The following PSMD7 variants were observed in gnomAD, a reference collection of about 807,000 sequenced individuals.
The protein encoded by PSMD7 is 26S proteasome non-ATPase regulatory subunit 7.
PSMD7 carries 13 observed loss-of-function variants against 36.4 expected under a neutral mutation model. The observed-to-expected ratio is 0.36, with a 90% CI of 0.23 to 0.57. The LOEUF is 0.57. Among genes scored for constraint, PSMD7 ranks in the 20% least tolerant of loss-of-function variants. The pLI is 0.83. For missense variants in PSMD7, 298 were observed against 393.6 expected (o/e 0.76, Z 2.06); for synonymous variants, 186 against 151.0 (o/e 1.23, Z -1.70).
chr16:74,298,918 G>A (rs1417920812), intron 1 of PSMD7, among the ~76,000 whole-genome samples: 1 of 152,080 alleles, frequency 6.6e-6, no homozygotes, highest in Non-Finnish European at 1.5e-5. Flanking sequence ...TAAGTGTAGG[G>A]TTTTAAAAAA....
chr16:74,297,064 G>A (rs887590543), intron 1 of PSMD7, 76 bp downstream of exon 1: 1 of 1,500,688 alleles, frequency 6.7e-7, no homozygotes, highest in Non-Finnish European at 9.1e-7. Context: ...TGGCGCGGCG[G>A]CCGCGGACGA....
chr16:74,302,327 C>T (rs781015922), intron 5 of PSMD7, 35 bp downstream of exon 5: 1 of 1,540,598 alleles, frequency 6.5e-7, no homozygotes, highest in South Asian at 1.2e-5. Flanking sequence ...GGAGGTTAGA[C>T]TGCTACTTAT....
chr16:74,299,611 C>G (rs1167300438), intron 1 of PSMD7: 3 of 453,328 alleles, frequency 6.6e-6, no homozygotes, highest in Non-Finnish European at 1.3e-5. Flanking sequence ...CCATGCTCGT[C>G]TCAAACTCCT....
Position 74,305,736 on chromosome 16 carries a change from C to T in PSMD7, c.*3C>T, listed in dbSNP as rs763920513. On this transcript the variant is annotated 3_prime_UTR_variant, in exon 7 of 7. Coordinates refer to ENST00000219313, the MANE Select transcript of PSMD7 (RefSeq NM_002811.5). ...AGGAGAAAAAGGAGAAAAAGTAAAACATGTATTAAATAGCTTTTTTAATTT... is the reference window on the plus strand; with the variant it reads ...AGGAGAAAAAGGAGAAAAAGTAAAATATGTATTAAATAGCTTTTTTAATTT... The T allele has an allele frequency of 7.0e-7, 1 of 1,420,066 alleles. No homozygotes were observed. Among genetic ancestry groups the T allele is most frequent in the African/African-American group, 1.4e-5 (1 of 69,296 alleles). The allele number at this position is 1,420,066 out of a possible 1,614,324, so 88.0% of individuals were successfully genotyped here. A position where few individuals can be genotyped will look rare whatever the true frequency, so the allele number is the denominator to read the frequency against.
rs554040853 is a variant in PSMD7, at chr16:74,300,129, G to A, written c.89G>A (p.Gly30Glu). The A allele has an allele frequency of 1.2e-6, 2 of 1,614,214 alleles. No homozygotes were observed. Among genetic ancestry groups the A allele is most frequent in the African/African-American group, 2.7e-5 (2 of 75,054 alleles). The stretch of plus-strand genomic sequence containing the variant: ...TTCTCATTCAGAATCGGCAAGGTTG[G>A]AAACCAGAAGCGTGTTGTTGGTGTG... ...VDHFNRIGKV[G>E]NQKRVVGVLL... The change falls in exon 2 of 7, where the codon GGA (glycine) becomes GAA (glutamate). Residue 30 changes from glycine to glutamate, a missense_variant. Transcript: ENST00000219313.
intron 1 of PSMD7, among the ~76,000 whole-genome samples, chr16:74,297,865 T>G (rs2034125803): frequency 6.6e-6 from 1 of 152,164 alleles, no homozygotes; most frequent in South Asian, 2.1e-4. Flanking sequence ...TATCGAAATC[T>G]GGATGATGCT....
At chr16:74,303,022 T>G (rs2034167368) in intron 5 of PSMD7, among the ~76,000 whole-genome samples, 1 of 152,196 alleles carries the variant, frequency 6.6e-6, no homozygotes, top group Non-Finnish European at 1.5e-5. Context: ...TTGTTTTTAG[T>G]GAATTTTTCT....
chr16:74,303,459 C>T (rs1027148604), intron 5 of PSMD7, among the ~76,000 whole-genome samples: 9 of 152,114 alleles, frequency 5.9e-5, no homozygotes, highest in Non-Finnish European at 1.2e-4. Flanking sequence ...TGACAGGAGA[C>T]GTACAGCCTC....
At chr16:74,304,485 G>A in intron 6 of PSMD7, 91 bp downstream of exon 6, 4 of 1,163,552 alleles carry the variant, frequency 3.4e-6, no homozygotes, top group Non-Finnish European at 5.0e-6. Flanking sequence ...TGGAGACCTG[G>A]GGTCTCGTCC....
In PSMD7 at chr16:74,304,363, G is replaced by T. The variant is rs2034179544; in HGVS notation, c.499G>T (p.Ala167Ser). Residue 167 changes from alanine (A) to serine (S), a missense_variant, in exon 6 of 7, where the codon GCT becomes TCT. By Grantham distance (99) the Ala-to-Ser change is moderately conservative. Coordinates refer to ENST00000219313, the MANE Select transcript of PSMD7 (RefSeq NM_002811.5). ...GACCAGTGAAATTGGAGCAGAGGAAGCTGAGGAAGTTGGAGTTGAACACTT... is the reference window on the plus strand; with the variant it reads ...GACCAGTGAAATTGGAGCAGAGGAATCTGAGGAAGTTGGAGTTGAACACTT... ...HVTSEIGAEE[A>S]EEVGVEHLLR... is the part of the protein sequence containing the mutation. 5.0e-6 allele frequency: 8 copies of T among 1,614,044 alleles called. No individual in the cohort carries two copies. Among genetic ancestry groups the T allele is most frequent in the Non-Finnish European group, 6.8e-6 (8 of 1,180,002 alleles).
intron 1 of PSMD7, among the ~76,000 whole-genome samples, chr16:74,298,175 A>AG: frequency 6.6e-6 from 1 of 151,428 alleles, no homozygotes; most frequent in East Asian, 1.9e-4. Flanking sequence ...AAAAAAAAAA[A>AG]AGACCAGTTG....
chr16:74,298,156 C>CAAAAAAAA (rs75614540), intron 1 of PSMD7, among the ~76,000 whole-genome samples: 2 of 72,754 alleles, frequency 2.7e-5, no homozygotes. Flanking sequence ...ACCCTGTCTC[C>CAAAAAAAA]AAAAAAAAAA....
In PSMD7 at chr16:74,305,644, A is replaced by C. The variant is rs1567526823; in HGVS notation, c.886A>C (p.Ser296Arg). Residue 296 changes from serine to arginine, a missense_variant, in exon 7 of 7, where the codon AGC (serine) becomes CGC (arginine). By Grantham distance (110) the Ser-to-Arg change is moderately radical (BLOSUM62 -1). Transcript: ENST00000219313. ...GAAAGAAGGGCAGGAGAAAGAAGAG[A>C]GCAAAAAGGATAGGAAAGAGGACAA... The part of the protein sequence containing the change: ...EKKEGQEKEE[S>R]KKDRKEDKEK... 1.3e-6 allele frequency: 2 copies of C among 1,575,744 alleles called. No individual in the cohort carries two copies. The highest frequency in any genetic ancestry group is 8.6e-7 in the Non-Finnish European group (1 of 1,156,448).
intron 1 of PSMD7, chr16:74,299,543 T>C (rs1016591625): frequency 2.0e-5 from 9 of 455,310 alleles, no homozygotes; most frequent in African/African-American, 1.8e-4. Flanking sequence ...ATCCCCACTA[T>C]GCCCGGCTAA....
At chr16:74,304,481 C>G in intron 6 of PSMD7, 87 bp downstream of exon 6, 1 of 1,220,722 alleles carries the variant, frequency 8.2e-7, no homozygotes, top group Non-Finnish European at 1.2e-6. Context: ...AATATGGAGA[C>G]CTGGGGTCTC....
Position 74,302,225 on chromosome 16 carries a change from T to A in PSMD7, c.371T>A (p.Ile124Asn). ...TTTCTCTGCCAGGTATTGGTCATCA[T>A]TGATGTGAAGCCGAAGGACCTAGGG... ...RYCPNSVLVI[I>N]DVKPKDLGLP... Residue 124 changes from isoleucine to asparagine, a missense_variant, in exon 5 of 7, where the codon ATT becomes AAT. Transcript: ENST00000219313. 1 of 1,614,036 alleles carries A rather than the reference T, an allele frequency of 6.2e-7. No individual in the cohort carries two copies. Among genetic ancestry groups the A allele is most frequent in the Non-Finnish European group, 8.5e-7 (1 of 1,179,982 alleles).
At chr16:74,298,437 T>C (rs2034130963) in intron 1 of PSMD7, among the ~76,000 whole-genome samples, 1 of 152,222 alleles carries the variant, frequency 6.6e-6, no homozygotes, top group Non-Finnish European at 1.5e-5. Flanking sequence ...GTGCAACTAA[T>C]TCAGCTGGAT....
intron 1 of PSMD7, among the ~76,000 whole-genome samples, chr16:74,298,082 CA>C (rs2034127511): frequency 6.8e-6 from 1 of 146,300 alleles, no homozygotes; most frequent in Non-Finnish European, 1.5e-5. Context: ...CGCTTGAGCC[CA>C]GGAGTTCGAA....
chr16:74,301,922 A>ATGGTTAGGAAGGTCTGGTAAGGGGT (rs2034158088), intron 4 of PSMD7, among the ~76,000 whole-genome samples: 2 of 152,280 alleles, frequency 1.3e-5, no homozygotes, highest in African/African-American at 4.8e-5. Context: ...GAGGTTCAGA[A>ATGGTTAGGAAGGTCTGGTAAGGGGT]TGGTTAGGAA....
Sources: gnomAD v4.1 joint callset for allele counts (sites outside exome capture counted in the v4.1 genomes callset) on GRCh38, gnomAD v4.1.1 for gene constraint, MANE v1.5 for transcripts, NCBI Gene and HGNC (gene_info 2026-07-23, HGNC 2026-07-21) for gene names.